Variants in MCUR1 observed in about 807,000 individuals in gnomAD.
MCUR1 encodes MCU regulator 1.
Under a neutral mutation model 42.0 loss-of-function variants are expected in MCUR1, and 37 were observed. That is an observed-to-expected ratio of 0.88 (90% confidence interval 0.68 to 1.16). The LOEUF is 1.16. MCUR1 is among the 50% of genes most tolerant of loss of function. MCUR1 has a pLI of 0.00. For missense variants in MCUR1, 469 were observed against 468.4 expected (o/e 1.00, Z -0.01); for synonymous variants, 229 against 196.2 (o/e 1.17, Z -1.40).
chr6:13,791,731 T>C (rs1488844269), intron 8 of MCUR1, 147 bp downstream of exon 8: 10 of 575,328 alleles, frequency 1.7e-5, no homozygotes, highest in Non-Finnish European at 3.0e-5. Flanking sequence ...CTTCATCTAC[T>C]GGAAATTGTA....
intron 2 of MCUR1, chr6:13,803,810 AC>A: frequency 3.0e-6 from 3 of 985,304 alleles, no homozygotes; most frequent in South Asian, 9.4e-5. Context: ...CTCAAACTAA[AC>A]TTTTGCCAAA....
chr6:13,802,300 C>T lies in MCUR1; in HGVS notation c.582G>A (p.Lys194=). The change falls in exon 3 of 9, where the codon AAG becomes AAA. Residue 194 remains lysine (K), a synonymous_variant. Coordinates refer to ENST00000379170, the MANE Select transcript of MCUR1 (RefSeq NM_001031713.4). ...QAEIIVSALV[K]ILEANMDIVY... ...CGATGTCCATGTTGGCCTCCAGGATCTTGACCAATGCAGACACAATGATTT... is the reference window on the plus strand; with the variant it reads ...CGATGTCCATGTTGGCCTCCAGGATTTTGACCAATGCAGACACAATGATTT... The T allele has an allele frequency of 6.2e-7, 1 of 1,613,938 alleles. No homozygotes were observed.
In MCUR1 at chr6:13,814,380, C is replaced by A; in HGVS notation, c.50G>T (p.Arg17Leu). ...GGQRTQRLPG[R>L]QRLLFLPVGL... ...CACGGGCAAGAAGAGAAGCCGCTGGCGGCCGGGCAGGCGCTGGGTCCTCTG... is the reference window on the plus strand; with the variant it reads ...CACGGGCAAGAAGAGAAGCCGCTGGAGGCCGGGCAGGCGCTGGGTCCTCTG... Residue 17 changes from arginine to leucine, a missense_variant, in exon 1 of 9, where the codon CGC becomes CTC. Coordinates refer to ENST00000379170, the MANE Select transcript of MCUR1 (RefSeq NM_001031713.4). The A allele has an allele frequency of 2.6e-6, 4 of 1,531,446 alleles. No individual in the cohort carries two copies. Among genetic ancestry groups the A allele is most frequent in the Non-Finnish European group, 3.5e-6 (4 of 1,149,112 alleles). The allele number at this position is 1,531,446 out of a possible 1,614,324, so 94.9% of individuals were successfully genotyped here.
intron 6 of MCUR1, among the ~76,000 whole-genome samples, chr6:13,794,448 C>T (rs1759809513): frequency 6.6e-6 from 1 of 152,124 alleles, no homozygotes; most frequent in Non-Finnish European, 1.5e-5. Flanking sequence ...AGACTCAACT[C>T]AATTTAGGAG....
chr6:13,808,242 G>C (rs1036066541), intron 1 of MCUR1, among the ~76,000 whole-genome samples: 2 of 152,152 alleles, frequency 1.3e-5, no homozygotes. Context: ...CTCCAGAATT[G>C]CAAGAAATGT....
chr6:13,792,017 C>A (rs575463562), intron 7 of MCUR1, 25 bp from the exon 8 acceptor site: 19 of 1,565,368 alleles, frequency 1.2e-5, no homozygotes, highest in Non-Finnish European at 1.7e-5. Flanking sequence ...AGAGTCACAG[C>A]GTTAGACCAC....
chr6:13,814,290 T>C lies in MCUR1; in HGVS notation c.140A>G (p.Asp47Gly). Residue 47 changes from aspartate (D) to glycine (G), a missense_variant, in exon 1 of 9, where the codon GAC becomes GGC. Coordinates refer to ENST00000379170, the MANE Select transcript of MCUR1 (RefSeq NM_001031713.4). ...GCGAGGGCGCAGCGCCCCCAGACCG[T>C]CGGAGAGCGCAGAGAGGCAGCGGCG... is the stretch of plus-strand genomic sequence containing the variant. The part of the protein sequence containing the change: ...SARRCLSALS[D>G]GLGALRPRAP... 1 of 1,498,214 alleles carries C rather than the reference T, an allele frequency of 6.7e-7. No homozygotes were observed. Among genetic ancestry groups the C allele is most frequent in the Non-Finnish European group, 8.8e-7 (1 of 1,130,190 alleles). 92.8% of individuals were successfully genotyped at this position (1,498,214 alleles called of 1,614,324 possible).
chr6:13,812,483 T>C (rs574023059), intron 1 of MCUR1, among the ~76,000 whole-genome samples: 2 of 152,322 alleles, frequency 1.3e-5, no homozygotes, highest in Non-Finnish European at 1.5e-5. Flanking sequence ...TGCCCTATAC[T>C]CTTGCATTGA....
At position 13,791,951 on chromosome 6, in the gene MCUR1, C is replaced by T. The variant is rs761102823; in HGVS notation, c.951G>A (p.Lys317=). 10 of 1,614,082 alleles carry T rather than the reference C, an allele frequency of 6.2e-6. No homozygotes were observed. The highest frequency in any genetic ancestry group is 2.2e-5 in the South Asian group (2 of 91,064). ...QDRALTQTDR[K]IETEVAGLKT... is the part of the protein sequence containing the mutation. ...TGAGGCCAGCAACCTCAGTTTCGAT[C>T]TTCCTGTCTGTCTGGGTAAGGGCCC... The change falls in exon 8 of 9, where the codon AAG becomes AAA. Residue 317 remains lysine, a synonymous_variant. Coordinates refer to ENST00000379170, the MANE Select transcript of MCUR1 (RefSeq NM_001031713.4).
chr6:13,808,357 T>G (rs1760156657), intron 1 of MCUR1, among the ~76,000 whole-genome samples: 1 of 152,222 alleles, frequency 6.6e-6, no homozygotes, highest in Non-Finnish European at 1.5e-5. Flanking sequence ...TGTCTTTCTA[T>G]TACTGAGCTG....
chr6:13,805,144 T>G (rs1401894392), intron 2 of MCUR1, among the ~76,000 whole-genome samples: 1 of 151,698 alleles, frequency 6.6e-6, no homozygotes, highest in Non-Finnish European at 1.5e-5. Flanking sequence ...CTAGGAAGAC[T>G]TCTGCTTATC....
chr6:13,813,077 GT>G (rs1760272919), intron 1 of MCUR1, among the ~76,000 whole-genome samples: 2 of 152,268 alleles, frequency 1.3e-5, no homozygotes, highest in South Asian at 2.1e-4. Flanking sequence ...ATTGCCTCTA[GT>G]ATTCAGTACG....
chr6:13,799,390 G>A (rs1011777096), intron 5 of MCUR1, among the ~76,000 whole-genome samples: 1 of 152,150 alleles, frequency 6.6e-6, no homozygotes, highest in Non-Finnish European at 1.5e-5. Context: ...TCACCATGTT[G>A]GTCAGGCTGG....
chr6:13,795,347 C>T (rs116512140), intron 6 of MCUR1, among the ~76,000 whole-genome samples: 7 of 152,180 alleles, frequency 4.6e-5, no homozygotes, highest in African/African-American at 1.4e-4. Context: ...CATTGACTCA[C>T]CCACAAAAGA....
chr6:13,803,349 C>T (rs184387958), intron 2 of MCUR1, among the ~76,000 whole-genome samples: 7 of 152,360 alleles, frequency 4.6e-5, no homozygotes, highest in African/African-American at 1.7e-4. Context: ...GCGCAAGCCA[C>T]CACGCCTGGC....
intron 6 of MCUR1, among the ~76,000 whole-genome samples, chr6:13,797,021 G>A (rs1315723387): frequency 2.0e-5 from 3 of 152,170 alleles, no homozygotes; most frequent in African/African-American, 7.2e-5. Flanking sequence ...GGAGACTGTT[G>A]TTGTAAGACT....
At chr6:13,793,830 C>G in intron 7 of MCUR1, 64 bp downstream of exon 7, 1 of 1,387,642 alleles carries the variant, frequency 7.2e-7, no homozygotes, top group Non-Finnish European at 1.0e-6. Context: ...TTACAAACAA[C>G]CATGCATGGA....
In MCUR1 at chr6:13,796,443, G is replaced by A. The variant is rs577039821; in HGVS notation, c.855+2390C>T. On this transcript the variant is annotated intron_variant, in intron 6 of 8. Transcript: ENST00000379170. Reference sequence around the variant, plus strand: ...GCTGAGACTACAGGTGGGCCATCACGCTGGGCTAATTTTTGTATTTTTGGT... The same window carrying A: ...GCTGAGACTACAGGTGGGCCATCACACTGGGCTAATTTTTGTATTTTTGGT... Among the ~76,000 whole-genome samples, 5 of 151,892 alleles carry A rather than the reference G, an allele frequency of 3.3e-5. No individual in the cohort carries two copies. In the East Asian group the frequency reaches 9.7e-4, roughly 29 times the overall value.
intron 6 of MCUR1, among the ~76,000 whole-genome samples, chr6:13,796,715 G>A (rs1759865473): frequency 1.3e-5 from 2 of 152,262 alleles, no homozygotes; most frequent in South Asian, 4.1e-4. Flanking sequence ...ATTGAAAAAT[G>A]TACATATATA....
Sources: allele counts gnomAD v4.1 joint callset (sites outside exome capture counted in the v4.1 genomes callset), GRCh38; gene constraint gnomAD v4.1.1; transcripts MANE v1.5; gene names NCBI Gene and HGNC (gene_info 2026-07-23, HGNC 2026-07-21).